The following SNTG2 variants were observed in gnomAD, a reference collection of about 807,000 sequenced individuals.
SNTG2 encodes the protein gamma-2-syntrophin.
Under a neutral mutation model 70.9 loss-of-function variants are expected in SNTG2, and 74 were observed. That is an observed-to-expected ratio of 1.04 (90% CI 0.86 to 1.27). The LOEUF (loss-of-function observed/expected upper bound fraction) is 1.27. Among genes scored for constraint, SNTG2 ranks in the 50% most tolerant of loss-of-function variants. The probability of loss-of-function intolerance (pLI) is 0.00; values close to 1 mark genes in which losing one functional copy is unlikely to be tolerated. For missense variants in SNTG2, 717 were observed against 690.7 expected (o/e 1.04, Z -0.43); for synonymous variants, 278 against 273.8 (o/e 1.02, Z -0.15).
chr2:1,284,499 C>A (rs199664955), intron 14 of SNTG2, among the ~76,000 whole-genome samples: 1 of 152,102 alleles, frequency 6.6e-6, no homozygotes, highest in African/African-American at 2.4e-5. Context: ...CAGTCAAGCA[C>A]CCCTCGAAAA....
chr2:1,238,752 T>C (rs919588782), intron 10 of SNTG2, among the ~76,000 whole-genome samples: 2 of 152,178 alleles, frequency 1.3e-5, no homozygotes, highest in Non-Finnish European at 2.9e-5. Context: ...TGAGTTGCCC[T>C]GTAATTGCAC....
chr2:1,218,070 C>G (rs1310434023), intron 9 of SNTG2, among the ~76,000 whole-genome samples: 1 of 152,008 alleles, frequency 6.6e-6, no homozygotes, highest in Non-Finnish European at 1.5e-5. Context: ...CTTTGTCAGC[C>G]AAGGGCTGCT....
At chr2:1,003,495 A>G (rs756369300) in intron 1 of SNTG2, among the ~76,000 whole-genome samples, 9 of 152,232 alleles carry the variant, frequency 5.9e-5, no homozygotes, top group Non-Finnish European at 1.2e-4. Context: ...CCAAGCATTC[A>G]TCATGTCTAG....
intron 16 of SNTG2, among the ~76,000 whole-genome samples, chr2:1,321,824 TTCTCA>T (rs927467563): frequency 1.3e-4 from 19 of 148,550 alleles, no homozygotes; most frequent in African/African-American, 3.5e-4. Flanking sequence ...ATTTTTAAAA[TTCTCA>T]TCTCAAGAAA....
At chr2:1,048,052 T>G (rs1661837993) in intron 1 of SNTG2, among the ~76,000 whole-genome samples, 1 of 152,200 alleles carries the variant, frequency 6.6e-6, no homozygotes, top group Non-Finnish European at 1.5e-5. Flanking sequence ...TTGTACTTCT[T>G]AACATTTTAA....
intron 9 of SNTG2, among the ~76,000 whole-genome samples, chr2:1,233,414 G>A (rs1676391429): frequency 6.6e-6 from 1 of 152,218 alleles, no homozygotes; most frequent in South Asian, 2.1e-4. Context: ...AAGATTCCCA[G>A]CGGTGTGGGC....
chr2:1,263,554 G>C (rs946163250), intron 13 of SNTG2, among the ~76,000 whole-genome samples: 1 of 151,828 alleles, frequency 6.6e-6, no homozygotes, highest in Non-Finnish European at 1.5e-5. Context: ...AGTCCTAGGT[G>C]GGGGGTGGGC....
At chr2:1,124,007 G>A (rs887373510) in intron 4 of SNTG2, among the ~76,000 whole-genome samples, 16 of 150,348 alleles carry the variant, frequency 1.1e-4, no homozygotes, top group African/African-American at 4.0e-4. Context: ...CGGTCAGAGG[G>A]CACAGACTCT....
At chr2:1,103,635 C>A (rs750232008) in intron 4 of SNTG2, among the ~76,000 whole-genome samples, 136 of 152,282 alleles carry the variant, frequency 8.9e-4, no homozygotes, top group Admixed American at 2.2e-3. Context: ...TGATCCTCCC[C>A]CTTTGGCCTC....
At chr2:965,163 CCT>C (rs1357355605) in intron 1 of SNTG2, among the ~76,000 whole-genome samples, 33 of 144,924 alleles carry the variant, frequency 2.3e-4, no homozygotes, top group South Asian at 1.0e-3. Flanking sequence ...CAGTCCTCCT[CCT>C]TGGACCCCAA....
intron 16 of SNTG2, among the ~76,000 whole-genome samples, chr2:1,366,332 T>A (rs970569860): frequency 3.9e-5 from 6 of 152,138 alleles, no homozygotes; most frequent in African/African-American, 1.4e-4. Flanking sequence ...AGGAAGATGA[T>A]TTTTCCCCAG....
chr2:1,168,744 G>A (rs1670922659), intron 7 of SNTG2, among the ~76,000 whole-genome samples: 1 of 152,150 alleles, frequency 6.6e-6, no homozygotes. Context: ...TGCATGCCTT[G>A]CCATCCTCAG....
chr2:1,283,477 C>T (rs1679640985), intron 14 of SNTG2, among the ~76,000 whole-genome samples: 1 of 152,190 alleles, frequency 6.6e-6, no homozygotes, highest in African/African-American at 2.4e-5. Flanking sequence ...AGCTGCTGTG[C>T]ACCTGCAGGG....
At chr2:964,603 TC>T (rs1377762223) in intron 1 of SNTG2, among the ~76,000 whole-genome samples, 1 of 152,126 alleles carries the variant, frequency 6.6e-6, no homozygotes, top group African/African-American at 2.4e-5. Flanking sequence ...CCTTGGTTGA[TC>T]CTACAAGGAG....
At chr2:1,067,916 C>T (rs1213950813) in intron 1 of SNTG2, among the ~76,000 whole-genome samples, 1 of 152,140 alleles carries the variant, frequency 6.6e-6, no homozygotes, top group Non-Finnish European at 1.5e-5. Flanking sequence ...ATGGGTCCCA[C>T]AGTCCTTGGA....
chr2:1,016,234 CTT>C (rs1334867714), intron 1 of SNTG2, among the ~76,000 whole-genome samples: 4 of 151,866 alleles, frequency 2.6e-5, no homozygotes, highest in African/African-American at 9.7e-5. Flanking sequence ...TTGCAGACAA[CTT>C]TTTTTTGTTT....
At position 1,247,433 on chromosome 2, in the gene SNTG2, G is replaced by T. The variant is rs1374400898; in HGVS notation, c.995G>T (p.Ser332Ile). 4 of 1,611,856 alleles carry T rather than the reference G, an allele frequency of 2.5e-6. No individual in the cohort carries two copies. In the African/African-American group the frequency reaches 5.3e-5, roughly 22 times the overall value. The change falls in exon 12 of 17, where the codon AGC becomes ATC. Residue 332 changes from serine to isoleucine, a missense_variant. By Grantham distance (142) the Ser-to-Ile change is moderately radical. Transcript: ENST00000308624. ...ALKGPSFYVFSTPPVSTFDWV... is the reference protein window; with the variant it reads ...ALKGPSFYVFITPPVSTFDWV... ...AAGGGCCCGTCCTTCTACGTTTTCA[G>T]CACTCCTCCGGTAAGGATGCTTTTG...
At chr2:1,270,816 A>T (rs1166057542) in intron 14 of SNTG2, among the ~76,000 whole-genome samples, 2 of 152,102 alleles carry the variant, frequency 1.3e-5, no homozygotes, top group African/African-American at 2.4e-5. Context: ...TTCCAACCCG[A>T]CTTGCAATTT....
chr2:1,061,230 A>G (rs534179375), intron 1 of SNTG2, among the ~76,000 whole-genome samples: 1 of 152,366 alleles, frequency 6.6e-6, no homozygotes, highest in Admixed American at 6.5e-5. Context: ...GAGATGTGAC[A>G]GCACAAAGCC....
Sources: allele counts gnomAD v4.1 joint callset (sites outside exome capture counted in the v4.1 genomes callset), GRCh38; gene constraint gnomAD v4.1.1; transcripts MANE v1.5; gene names NCBI Gene and HGNC (gene_info 2026-07-23, HGNC 2026-07-21).